Variants in ATP23 observed in about 807,000 individuals in gnomAD.
ATP23 encodes the protein mitochondrial inner membrane protease ATP23 homolog.
A neutral mutation model predicts 28.5 loss-of-function variants in ATP23; 24 were observed. The observed-to-expected ratio is 0.84, with a 90% CI of 0.61 to 1.18. The LOEUF (loss-of-function observed/expected upper bound fraction) is 1.18, where lower values mean the gene tolerates loss of function less well. ATP23 is among the 50% of genes most tolerant of loss of function. The probability of loss-of-function intolerance (pLI) is 0.00; values close to 1 mark genes in which losing one functional copy is unlikely to be tolerated. For synonymous variants in ATP23, 99 were observed against 108.6 expected (o/e 0.91, Z 0.55); for missense variants, 274 against 306.4 (o/e 0.89, Z 0.79).
intron 3 of ATP23, among the ~76,000 whole-genome samples, chr12:57,950,138 T>C (rs1334432337): frequency 6.6e-6 from 1 of 152,212 alleles, no homozygotes; most frequent in Non-Finnish European, 1.5e-5. Context: ...TGCCTATTCT[T>C]CCAACTATAG....
intron 3 of ATP23, among the ~76,000 whole-genome samples, chr12:57,947,890 G>A (rs1489796452): frequency 1.3e-5 from 2 of 152,188 alleles, no homozygotes; most frequent in Non-Finnish European, 2.9e-5. Flanking sequence ...CCACTTGAAT[G>A]TATAATTCAT....
chr12:57,951,071 C>A (rs1423591461), intron 3 of ATP23, among the ~76,000 whole-genome samples: 1 of 152,068 alleles, frequency 6.6e-6, no homozygotes, highest in Non-Finnish European at 1.5e-5. Flanking sequence ...TATTAGGATC[C>A]CTTGTGTCTT....
At chr12:57,954,472 A>G (rs1956846714) in intron 5 of ATP23, among the ~76,000 whole-genome samples, 1 of 152,236 alleles carries the variant, frequency 6.6e-6, no homozygotes, top group African/African-American at 2.4e-5. Flanking sequence ...AGACTTGAGT[A>G]TGATGAGCTT....
chr12:57,945,602 C>G, intron 1 of ATP23, 26 bp from the exon 2 acceptor site: 3 of 1,595,922 alleles, frequency 1.9e-6, no homozygotes, highest in Non-Finnish European at 2.6e-6. Flanking sequence ...TTTCCAATTA[C>G]TTAATTAAAT....
chr12:57,956,782 T>G lies in ATP23; in HGVS notation c.633T>G (p.Ser211=), dbSNP rs1486822422. ...AGGCTGTTGATGAAGTTTTTGAATCTTGTTTCAATGACCATGAACCTTTTG... is the reference window on the plus strand; with the variant it reads ...AGGCTGTTGATGAAGTTTTTGAATCGTGTTTCAATGACCATGAACCTTTTG... ...AKKAVDEVFE[S]CFNDHEPFGR... Residue 211 remains serine, a synonymous_variant, in exon 6 of 6, where the codon TCT becomes TCG. Transcript: ENST00000300145. 16 of 1,613,890 alleles carry G rather than the reference T, an allele frequency of 9.9e-6. No homozygotes were observed. The highest frequency in any genetic ancestry group is 1.2e-5 in the Non-Finnish European group (14 of 1,179,936).
At chr12:57,952,568 C>T (rs1180223093) in intron 4 of ATP23, among the ~76,000 whole-genome samples, 1 of 152,220 alleles carries the variant, frequency 6.6e-6, no homozygotes, top group Admixed American at 6.5e-5. Flanking sequence ...TATGCATATA[C>T]TTGGATGTCA....
Position 57,951,751 on chromosome 12 carries a change from C to T in ATP23, c.316-7C>T. 1 of 1,613,752 alleles carries T rather than the reference C, an allele frequency of 6.2e-7. No individual in the cohort carries two copies. Among genetic ancestry groups the T allele is most frequent in the Non-Finnish European group, 8.5e-7 (1 of 1,179,776 alleles). Reference sequence around the variant, plus strand: ...CACTGAACTTCTTTTATTTTGGTGTCTCCTAGATAGTTTTGTGCCAGAATA... The same window carrying T: ...CACTGAACTTCTTTTATTTTGGTGTTTCCTAGATAGTTTTGTGCCAGAATA... On this transcript the variant is annotated splice_region_variant and splice_polypyrimidine_tract_variant and intron_variant, in intron 3 of 5. Transcript: ENST00000300145.
chr12:57,949,539 G>C (rs1409734503), intron 3 of ATP23, among the ~76,000 whole-genome samples: 1 of 152,058 alleles, frequency 6.6e-6, no homozygotes, highest in African/African-American at 2.4e-5. Flanking sequence ...TGTCGCCTAG[G>C]CTGGAGTGCA....
chr12:57,944,057 T>C (rs369678756), intron 1 of ATP23, among the ~76,000 whole-genome samples: 1,371 of 117,026 alleles, frequency 0.012, 14 homozygotes, highest in Middle Eastern at 0.035. Flanking sequence ...TACTAAACCA[T>C]GGTTTTTTTT....
At position 57,958,044 on chromosome 12, in the gene ATP23, G is replaced by A. The variant is rs368668966; in HGVS notation, c.*1154G>A. On this transcript the variant is annotated 3_prime_UTR_variant, in exon 6 of 6. Coordinates refer to ENST00000300145, the MANE Select transcript of ATP23 (RefSeq NM_033276.4). The stretch of plus-strand genomic sequence containing the variant: ...AAGCAGACTTGGGGCTGTGGTGGGG[G>A]GCATGGTGGGAGTGAGACTGGCCCT... Among the ~76,000 whole-genome samples the A allele has an allele frequency of 1.3e-5, 2 of 152,142 alleles. No individual in the cohort carries two copies. Among genetic ancestry groups the A allele is most frequent in the East Asian group, 3.9e-4 (2 of 5,182 alleles).
Position 57,951,872 on chromosome 12 carries a change from A to G in ATP23, c.430A>G (p.Ile144Val), listed in dbSNP as rs201445988. The change falls in exon 4 of 6, where the codon ATC (isoleucine) becomes GTC (valine). Residue 144 changes from isoleucine (I) to valine (V), a missense_variant. Transcript: ENST00000300145. ...CRAHVDWFTN[I>V]RHLACSEVRA... ...TGCCCATGTCGACTGGTTCACCAACATCAGACATTTGGCGTGCTCAGAGGT... is the reference window on the plus strand; with the variant it reads ...TGCCCATGTCGACTGGTTCACCAACGTCAGACATTTGGCGTGCTCAGAGGT... The G allele has an allele frequency of 3.1e-6, 5 of 1,614,178 alleles. No homozygotes were observed. In the East Asian group the frequency reaches 8.9e-5, roughly 29 times the overall value.
chr12:57,944,545 G>T (rs1956741336), intron 1 of ATP23, among the ~76,000 whole-genome samples: 1 of 152,156 alleles, frequency 6.6e-6, no homozygotes, highest in South Asian at 2.1e-4. Flanking sequence ...TGCTATTGCT[G>T]GCCAGATACT....
chr12:57,944,188 C>T (rs537900126), intron 1 of ATP23, among the ~76,000 whole-genome samples: 38 of 151,886 alleles, frequency 2.5e-4, no homozygotes, highest in Admixed American at 2.2e-3. Flanking sequence ...CTCAATAATA[C>T]GTATTGTTAA....
chr12:57,955,823 C>T (rs1251059741), intron 5 of ATP23, among the ~76,000 whole-genome samples: 1 of 152,168 alleles, frequency 6.6e-6, no homozygotes, highest in Non-Finnish European at 1.5e-5. Flanking sequence ...ATATCTCCAG[C>T]TTGAGCACAC....
Position 57,946,986 on chromosome 12 carries a change from G to C in ATP23, c.234-9G>C. On this transcript the variant is annotated splice_polypyrimidine_tract_variant and intron_variant, in intron 2 of 5. Coordinates refer to ENST00000300145, the MANE Select transcript of ATP23 (RefSeq NM_033276.4). ...TTTCTGGACATTGTCTCCTTTTCTT[G>C]CCTTTTAGTGCTGTTAACAAAGATA... The C allele has an allele frequency of 6.2e-7, 1 of 1,613,220 alleles. No individual in the cohort carries two copies. The highest frequency in any genetic ancestry group is 8.5e-7 in the Non-Finnish European group (1 of 1,179,630).
intron 5 of ATP23, among the ~76,000 whole-genome samples, chr12:57,954,072 G>A (rs1306996473): frequency 1.3e-5 from 2 of 151,746 alleles, no homozygotes; most frequent in African/African-American, 4.8e-5. Context: ...GAGCACACCT[G>A]TAGTCCCAAC....
chr12:57,950,280 G>C (rs1487834143), intron 3 of ATP23, among the ~76,000 whole-genome samples: 1 of 152,028 alleles, frequency 6.6e-6, no homozygotes, highest in Non-Finnish European at 1.5e-5. Flanking sequence ...CTCACCAGCC[G>C]TATCTGTTGC....
At position 57,941,875 on chromosome 12, in the gene ATP23, G is replaced by A; in HGVS notation, c.174G>A (p.Lys58=). The A allele has an allele frequency of 6.2e-7, 1 of 1,613,608 alleles. No homozygotes were observed. The highest frequency in any genetic ancestry group is 8.5e-7 in the Non-Finnish European group (1 of 1,179,836). The stretch of plus-strand genomic sequence containing the variant: ...AGAAGTGCCAGCTTAGGCTCCTGAA[G>A]ACGCTGGAGACAAGTAGGAGCCATG... The part of the protein sequence containing the change: ...SNQKCQLRLL[K]TLETNPYVKL... The change falls in exon 1 of 6, where the codon AAG becomes AAA. Residue 58 remains lysine (K), a synonymous_variant. Transcript: ENST00000300145.
At chr12:57,949,065 C>T (rs1003846431) in intron 3 of ATP23, among the ~76,000 whole-genome samples, 1 of 152,172 alleles carries the variant, frequency 6.6e-6, no homozygotes, top group African/African-American at 2.4e-5. Flanking sequence ...CTATAGTTTA[C>T]TCTAATATTG....
Sources: gnomAD v4.1 joint callset for allele counts (sites outside exome capture counted in the v4.1 genomes callset) on GRCh38, gnomAD v4.1.1 for gene constraint, MANE v1.5 for transcripts, NCBI Gene and HGNC (gene_info 2026-07-23, HGNC 2026-07-21) for gene names.